The following ATE1 variants were observed in gnomAD, a reference collection of about 807,000 sequenced individuals.
ATE1 encodes arginyltransferase 1.
In ATE1, 36 loss-of-function variants were observed where a neutral mutation model predicts 70.5. That is an observed-to-expected ratio of 0.51 (90% CI 0.39 to 0.67). The LOEUF (loss-of-function observed/expected upper bound fraction) is 0.67. Ranked by LOEUF, ATE1 falls within the 30% of genes least tolerant of loss-of-function variation. The pLI is 0.00. For synonymous variants in ATE1, 232 were observed against 219.3 expected, an observed-to-expected ratio of 1.06 and a Z score of -0.51; for missense variants, 593 against 629.5, an observed-to-expected ratio of 0.94 and a Z score of 0.62.
rs151281205 is a variant in ATE1, at chr10:121,749,870, A to C, written c.1379-6012T>G. ...ATTCTAGCAATACCTTAATTTAAGG[A>C]AGAAACATCAAATTACCCCTTCAGT... On this transcript the variant is annotated intron_variant, in intron 11 of 11. Transcript: ENST00000224652. Among the ~76,000 whole-genome samples, 602 of 152,332 alleles carry C rather than the reference A, an allele frequency of 4.0e-3. 4 individuals are homozygous for C. The highest frequency in any genetic ancestry group is 0.014 in the African/African-American group (576 of 41,572).
At chr10:121,828,187 C>A (rs4752605) in intron 10 of ATE1, among the ~76,000 whole-genome samples, 3,082 of 152,310 alleles carry the variant, frequency 0.02, 40 homozygotes, top group Middle Eastern at 0.037. Context: ...AAAACTCTTA[C>A]ATTACACCAT....
chr10:121,824,583 C>T (rs538338171), intron 10 of ATE1, among the ~76,000 whole-genome samples: 25 of 152,238 alleles, frequency 1.6e-4, no homozygotes, highest in African/African-American at 4.8e-4. Flanking sequence ...TAATCACAGA[C>T]GGATTTAGCC....
Position 121,922,376 on chromosome 10 carries a change from T to C in ATE1, c.206A>G (p.Gln69Arg), listed in dbSNP as rs1286799078. Residue 69 changes from glutamine (Q) to arginine (R), a missense_variant, in exon 3 of 12, where the codon CAA becomes CGA. Physicochemically the swap from Gln to Arg is conservative, Grantham distance 43. Coordinates refer to ENST00000224652, the MANE Select transcript of ATE1 (RefSeq NM_001001976.3). ...GKYVYKPVMN[Q>R]TCCPQYTIRC... ...TATTGTGTACTGAGGACAACATGTTTGATTCATGACAGGTTTGTACACATA... is the reference window on the plus strand; with the variant it reads ...TATTGTGTACTGAGGACAACATGTTCGATTCATGACAGGTTTGTACACATA... 6.9e-6 allele frequency: 11 copies of C among 1,599,724 alleles called. No homozygotes were observed. Among genetic ancestry groups the C allele is most frequent in the Non-Finnish European group, 8.6e-6 (10 of 1,168,610 alleles).
chr10:121,851,950 T>C (rs1949071291), intron 8 of ATE1, among the ~76,000 whole-genome samples: 1 of 152,254 alleles, frequency 6.6e-6, no homozygotes, highest in Non-Finnish European at 1.5e-5. Context: ...TCAATATTAA[T>C]AGGCTAGTTC....
chr10:121,758,927 AC>A (rs1221295119), intron 11 of ATE1, among the ~76,000 whole-genome samples: 17 of 152,028 alleles, frequency 1.1e-4, no homozygotes, highest in Non-Finnish European at 1.5e-5. Flanking sequence ...TGCCCCACAG[AC>A]CTGCCCTTCT....
chr10:121,858,519 A>G (rs967564237), intron 8 of ATE1, among the ~76,000 whole-genome samples: 1 of 151,352 alleles, frequency 6.6e-6, no homozygotes, highest in Non-Finnish European at 1.5e-5. Context: ...AACGTAAATT[A>G]ATGTAAATCA....
intron 10 of ATE1, among the ~76,000 whole-genome samples, chr10:121,793,517 C>G (rs528065872): frequency 8.5e-4 from 130 of 152,284 alleles, no homozygotes; most frequent in African/African-American, 3.0e-3. Context: ...CCCTCACATC[C>G]TTACCAAGAT....
intron 5 of ATE1, among the ~76,000 whole-genome samples, chr10:121,910,458 G>A (rs1415057443): frequency 6.6e-6 from 1 of 151,364 alleles, no homozygotes; most frequent in East Asian, 1.9e-4. Flanking sequence ...ATCAAAATCT[G>A]GACATTTTAA....
chr10:121,905,688 C>A (rs1272626484), intron 5 of ATE1, among the ~76,000 whole-genome samples: 1 of 151,922 alleles, frequency 6.6e-6, no homozygotes, highest in Non-Finnish European at 1.5e-5. Flanking sequence ...ACTAAAAATA[C>A]AAAAAAATCA....
At chr10:121,903,303 AT>A (rs1157174198) in intron 5 of ATE1, among the ~76,000 whole-genome samples, 1 of 152,158 alleles carries the variant, frequency 6.6e-6, no homozygotes, top group Non-Finnish European at 1.5e-5. Context: ...TCTGCCCAAC[AT>A]TTCTGAGGGA....
chr10:121,807,806 A>C (rs1451901970), intron 10 of ATE1, among the ~76,000 whole-genome samples: 1 of 152,222 alleles, frequency 6.6e-6, no homozygotes, highest in African/African-American at 2.4e-5. Context: ...TACATTTTTC[A>C]ATGGTTGAAA....
At chr10:121,796,965 T>C (rs1196916660) in intron 10 of ATE1, among the ~76,000 whole-genome samples, 4 of 152,220 alleles carry the variant, frequency 2.6e-5, no homozygotes, top group Non-Finnish European at 5.9e-5. Context: ...ATGGAAAATA[T>C]CTTAGTTTAA....
intron 10 of ATE1, among the ~76,000 whole-genome samples, chr10:121,795,627 C>T (rs1946631481): frequency 6.6e-6 from 1 of 152,166 alleles, no homozygotes; most frequent in Non-Finnish European, 1.5e-5. Context: ...TAGGTTAAAA[C>T]ATTATTTTTC....
intron 11 of ATE1, among the ~76,000 whole-genome samples, chr10:121,779,731 T>C (rs918764314): frequency 1.3e-5 from 2 of 152,190 alleles, no homozygotes; most frequent in African/African-American, 4.8e-5. Context: ...CTTACCACTC[T>C]AGCCAGTGTC....
intron 5 of ATE1, 117 bp downstream of exon 5, chr10:121,910,789 G>C (rs1951390362): frequency 2.2e-6 from 3 of 1,384,042 alleles, no homozygotes; most frequent in Non-Finnish European, 3.0e-6. Context: ...GCAGGGTTCT[G>C]TTTTACAGAC....
At chr10:121,829,613 G>T (rs1025171797) in intron 10 of ATE1, among the ~76,000 whole-genome samples, 1 of 151,280 alleles carries the variant, frequency 6.6e-6, no homozygotes, top group African/African-American at 2.4e-5. Context: ...AGAGGCTGAG[G>T]CAGAGAATTG....
At chr10:121,927,766 C>G in intron 1 of ATE1, 78 bp downstream of exon 1, 1 of 1,458,502 alleles carries the variant, frequency 6.9e-7, no homozygotes, top group Non-Finnish European at 9.1e-7. Flanking sequence ...CCGGCCCCCT[C>G]GCGTCCTCGC....
At chr10:121,807,871 T>C (rs1398561238) in intron 10 of ATE1, among the ~76,000 whole-genome samples, 1 of 152,210 alleles carries the variant, frequency 6.6e-6, no homozygotes, top group East Asian at 1.9e-4. Flanking sequence ...AAAATTTCAA[T>C]GTCCATAGAG....
intron 11 of ATE1, among the ~76,000 whole-genome samples, chr10:121,778,532 G>A (rs1358067045): frequency 2.1e-5 from 3 of 145,200 alleles, no homozygotes; most frequent in Non-Finnish European, 4.5e-5. Context: ...CCTAAATGGC[G>A]CCAAGAAACA....
Sources: gnomAD v4.1 joint callset for allele counts (sites outside exome capture counted in the v4.1 genomes callset) on GRCh38, gnomAD v4.1.1 for gene constraint, MANE v1.5 for transcripts, NCBI Gene and HGNC (gene_info 2026-07-23, HGNC 2026-07-21) for gene names.